CHLSN: variants seen among roughly 807,000 people sequenced by gnomAD.
The protein encoded by CHLSN is cholesin.
the CHLSN span, chr7:985,372 G>C: frequency 6.5e-7 from 1 of 1,530,536 alleles, no homozygotes; most frequent in Non-Finnish European, 8.8e-7. Flanking sequence ...CTGGAGTGAT[G>C]GGCGTGCAGC....
At chr7:1,086,142 A>G in the CHLSN span, among the ~76,000 whole-genome samples, 1 of 152,278 alleles carries the variant, frequency 6.6e-6, no homozygotes, top group South Asian at 2.1e-4. Flanking sequence ...AACCCAGGGC[A>G]CGTGAGTGGA....
At chr7:1,134,543 T>C in the CHLSN span, among the ~76,000 whole-genome samples, 2 of 150,278 alleles carry the variant, frequency 1.3e-5, no homozygotes, top group Admixed American at 1.3e-4. Flanking sequence ...CACTCCAGCA[T>C]GGGTAACAGA....
At chr7:993,408 C>A in the CHLSN span, among the ~76,000 whole-genome samples, 89 of 152,292 alleles carry the variant, frequency 5.8e-4, no homozygotes, top group South Asian at 0.012. Context: ...CAGCTGGAGG[C>A]TGCCAGCGCT....
the CHLSN span, chr7:1,044,599 C>T: frequency 6.6e-6 from 1 of 151,026 alleles, no homozygotes; most frequent in Non-Finnish European, 1.5e-5. Context: ...GCCCCGCCGC[C>T]TCCGCCAGCC....
the CHLSN span, among the ~76,000 whole-genome samples, chr7:1,087,470 G>A: frequency 6.6e-6 from 1 of 152,312 alleles, no homozygotes; most frequent in South Asian, 2.1e-4. Context: ...CTGCCTGAAG[G>A]CAACTTTATA....
At chr7:1,124,183 A>G in the CHLSN span, among the ~76,000 whole-genome samples, 1 of 152,186 alleles carries the variant, frequency 6.6e-6, no homozygotes, top group East Asian at 1.9e-4. Context: ...ATACTTTAAA[A>G]TAATTACTTG....
chr7:1,057,720 A>G, the CHLSN span: 4 of 776,224 alleles, frequency 5.2e-6, no homozygotes, highest in East Asian at 4.9e-5. Context: ...CTTTGTCAAC[A>G]TGGCAGTGGC....
the CHLSN span, among the ~76,000 whole-genome samples, chr7:1,052,209 G>C: frequency 8.5e-5 from 13 of 152,234 alleles, no homozygotes; most frequent in Admixed American, 8.5e-4. This position sits in a 1 kb window ranked among gnomAD's most constrained non-coding sequence, Gnocchi z 4.2. Flanking sequence ...GCTCCAGGCT[G>C]AGTGGGTGAG....
chr7:1,114,872 C>T, the CHLSN span, among the ~76,000 whole-genome samples: 1 of 152,228 alleles, frequency 6.6e-6, no homozygotes, highest in Non-Finnish European at 1.5e-5. Flanking sequence ...CCCTGCCCCG[C>T]ACAAAGCAGC....
chr7:1,116,066 C>T, the CHLSN span, among the ~76,000 whole-genome samples: 5 of 128,156 alleles, frequency 3.9e-5, no homozygotes, highest in East Asian at 2.3e-4. Context: ...ATCACCGACG[C>T]CCACGCAGGA....
the CHLSN span, among the ~76,000 whole-genome samples, chr7:1,107,533 C>T: frequency 6.6e-6 from 1 of 152,226 alleles, no homozygotes; most frequent in African/African-American, 2.4e-5. Flanking sequence ...CCGTGGCTTC[C>T]AACACCATGC....
chr7:1,080,161 A>T, the CHLSN span, among the ~76,000 whole-genome samples: 1 of 152,266 alleles, frequency 6.6e-6, no homozygotes, highest in Non-Finnish European at 1.5e-5. Context: ...CTTTGTATGA[A>T]GCTAAATGTG....
chr7:1,098,819 G>A, the CHLSN span, among the ~76,000 whole-genome samples: 1 of 152,370 alleles, frequency 6.6e-6, no homozygotes, highest in African/African-American at 2.4e-5. Context: ...CGGCTGCCGG[G>A]GCTGGGGTGA....
chr7:1,040,186 A>AAAAAT, the CHLSN span, among the ~76,000 whole-genome samples: 3 of 59,492 alleles, frequency 5.0e-5, no homozygotes, highest in African/African-American at 1.8e-4. Flanking sequence ...ATAAATTTAA[A>AAAAAT]AAAAAAAAAA....
the CHLSN span, chr7:987,005 G>A: frequency 7.1e-7 from 1 of 1,403,134 alleles, no homozygotes; most frequent in Non-Finnish European, 9.3e-7. Context: ...GCTGAGCCCA[G>A]ATCACCGGGG....
the CHLSN span, among the ~76,000 whole-genome samples, chr7:1,042,695 GCCACAGAGCACCCCTGTGGGTAGGAC>G: frequency 6.6e-6 from 1 of 152,100 alleles, no homozygotes; most frequent in African/African-American, 2.4e-5. Context: ...GCATTCCCCA[GCCACAGAGCACCCCTGTGGGTAGGAC>G]CCACAGAGCC....
the CHLSN span, among the ~76,000 whole-genome samples, chr7:1,085,030 G>A: frequency 6.6e-6 from 1 of 152,250 alleles, no homozygotes; most frequent in Non-Finnish European, 1.5e-5. Flanking sequence ...CTCAGCACAA[G>A]GACTGGGCTT....
the CHLSN span, among the ~76,000 whole-genome samples, chr7:981,213 T>C: frequency 6.6e-6 from 1 of 150,960 alleles, no homozygotes; most frequent in Non-Finnish European, 1.5e-5. Context: ...GGAGGATCAC[T>C]TGAACACGGG....
At chr7:987,707 C>T in the CHLSN span, among the ~76,000 whole-genome samples, 3 of 152,214 alleles carry the variant, frequency 2.0e-5, no homozygotes, top group Non-Finnish European at 4.4e-5. Context: ...TCTCACCCCA[C>T]AGCCCAGCAC....
Sources: gnomAD v4.1 joint callset for allele counts (sites outside exome capture counted in the v4.1 genomes callset) on GRCh38, gnomAD v4.1.1 for gene constraint, Gnocchi (gnomAD v3.1) non-coding constraint, MANE v1.5 for transcripts, NCBI Gene and HGNC (gene_info 2026-07-23, HGNC 2026-07-21) for gene names.